MPP7: variants seen among roughly 807,000 people sequenced by gnomAD.
The protein encoded by MPP7 is MAGUK p55 scaffold protein 7.
Under a neutral mutation model 76.5 loss-of-function variants are expected in MPP7, and 60 were observed. The observed-to-expected ratio is 0.78, with a 90% CI of 0.64 to 0.97. MPP7 has a LOEUF of 0.97. Among genes scored for constraint, MPP7 ranks in the 50% least tolerant of loss-of-function variants. MPP7 has a pLI of 0.00. For missense variants in MPP7, 641 were observed against 694.0 expected (o/e 0.92, Z 0.86); for synonymous variants, 237 against 244.5 (o/e 0.97, Z 0.29).
rs147789049 is a variant in MPP7, at chr10:28,159,819, C to T, written c.157-9760G>A. ...TCTTGCATTCTACATGGCGCTTACC[C>T]ATGCATAGTTTCATGATATTATGCA... On this transcript the variant is annotated intron_variant, in intron 3 of 16. Coordinates refer to ENST00000683449, the MANE Select transcript of MPP7 (RefSeq NM_001318170.2). 1.5e-3 allele frequency among the ~76,000 whole-genome samples: 224 copies of T among 152,260 alleles called. 2 individuals are homozygous for T. The highest frequency in any genetic ancestry group is 4.4e-3 in the African/African-American group (181 of 41,548).
At chr10:28,333,822 C>G (rs1013867778) in intron 1 of MPP7, among the ~76,000 whole-genome samples, 22 of 152,130 alleles carry the variant, frequency 1.4e-4, no homozygotes, top group African/African-American at 5.3e-4. Flanking sequence ...GGTTTCCTCC[C>G]AAACATCCAA....
intron 2 of MPP7, among the ~76,000 whole-genome samples, chr10:28,234,127 C>T (rs536190315): frequency 5.7e-4 from 86 of 152,198 alleles, no homozygotes; most frequent in African/African-American, 2.0e-3. Context: ...ACTTCTAGGA[C>T]TGGGGCAGGA....
At chr10:28,096,104 G>C (rs1853558231) in intron 11 of MPP7, among the ~76,000 whole-genome samples, 1 of 152,264 alleles carries the variant, frequency 6.6e-6, no homozygotes, top group Non-Finnish European at 1.5e-5. Context: ...AAATTTAACT[G>C]TAAAGGGAGA....
chr10:28,251,330 T>C (rs1454223271), intron 1 of MPP7, among the ~76,000 whole-genome samples: 14 of 152,008 alleles, frequency 9.2e-5, no homozygotes, highest in African/African-American at 3.1e-4. Context: ...CCAGGTGTGG[T>C]ACATGCCTGT....
At chr10:28,174,205 C>T (rs189014830) in intron 3 of MPP7, among the ~76,000 whole-genome samples, 151 of 152,250 alleles carry the variant, frequency 9.9e-4, no homozygotes, top group African/African-American at 3.4e-3. Flanking sequence ...CAATACAAAC[C>T]GCAACAATAC....
At chr10:28,275,553 C>T (rs564869792) in intron 1 of MPP7, among the ~76,000 whole-genome samples, 111 of 152,016 alleles carry the variant, frequency 7.3e-4, no homozygotes, top group African/African-American at 2.5e-3. Flanking sequence ...ATTACAGGCA[C>T]GCACCACCAC....
intron 2 of MPP7, among the ~76,000 whole-genome samples, chr10:28,311,759 TAC>T (rs112717112): frequency 0.14 from 21,186 of 148,328 alleles, 2,038 homozygotes; most frequent in East Asian, 0.4. Context: ...GATGTGTTAA[TAC>T]ACACACACAC....
chr10:28,306,702 G>T (rs1841259921), upstream of MPP7, among the ~76,000 whole-genome samples: 1 of 124,804 alleles, frequency 8.0e-6, no homozygotes, highest in South Asian at 2.4e-4. Context: ...ATAATAGATA[G>T]TTGATAGATA....
At position 28,287,184 on chromosome 10, in the gene MPP7, T is replaced by TC. The variant is rs574120237; in HGVS notation, c.-132+15676_-132+15677insG. The stretch of plus-strand genomic sequence containing the variant: ...TAACTGACCTATTTGTTGCCAATGA[T>TC]AAAAGTCAAGCCTTCAAACAAAAAT... On this transcript the variant is annotated intron_variant, in intron 1 of 16. Transcript: ENST00000683449. Among the ~76,000 whole-genome samples the TC allele has an allele frequency of 3.8e-4, 58 of 152,288 alleles. 1 individual carries two copies. In the South Asian group the frequency reaches 0.011, roughly 28 times the overall value.
Position 28,268,726 on chromosome 10 carries a change from C to T in MPP7, c.-131-29991G>A, listed in dbSNP as rs570240786. 6.2e-4 allele frequency among the ~76,000 whole-genome samples: 93 copies of T among 149,370 alleles called. 1 individual carries two copies. In the Middle Eastern group the frequency reaches 0.01, roughly 17 times the overall value. ...CTCCAGCCTCGATGACGGAGTGAGA[C>T]TCTGTCTCAAAAAAAAAAAAAAAGG... On this transcript the variant is annotated intron_variant, in intron 1 of 16. Coordinates refer to ENST00000683449, the MANE Select transcript of MPP7 (RefSeq NM_001318170.2).
chr10:28,097,182 A>G (rs1853610779), intron 11 of MPP7, among the ~76,000 whole-genome samples: 1 of 152,036 alleles, frequency 6.6e-6, no homozygotes, highest in African/African-American at 2.4e-5. Context: ...TTTTGTAGAG[A>G]TGGAGACTCA....
chr10:28,129,706 T>C (rs1344654705), intron 6 of MPP7, among the ~76,000 whole-genome samples: 1 of 152,188 alleles, frequency 6.6e-6, no homozygotes, highest in African/African-American at 2.4e-5. Context: ...GTTTTTGAAG[T>C]GTGATCTACC....
At chr10:28,206,021 C>G (rs1564700990) in intron 2 of MPP7, among the ~76,000 whole-genome samples, 1 of 152,158 alleles carries the variant, frequency 6.6e-6, no homozygotes, top group Admixed American at 6.5e-5. Flanking sequence ...AGGCCCTCAT[C>G]AGATTCTGGT....
At chr10:28,263,755 G>A (rs188844317) in intron 1 of MPP7, among the ~76,000 whole-genome samples, 3 of 152,250 alleles carry the variant, frequency 2.0e-5, no homozygotes, top group East Asian at 1.9e-4. Flanking sequence ...AGCTGAAGGC[G>A]CCAGGTGAAA....
chr10:28,102,561 T>C (rs1853875107), intron 11 of MPP7, among the ~76,000 whole-genome samples: 1 of 152,176 alleles, frequency 6.6e-6, no homozygotes, highest in South Asian at 2.1e-4. Flanking sequence ...AGATCTCTAT[T>C]TGGATGTCAA....
At chr10:28,120,166 A>G in intron 10 of MPP7, 28 bp downstream of exon 10, 1 of 1,597,922 alleles carries the variant, frequency 6.3e-7, no homozygotes, top group East Asian at 2.2e-5. Flanking sequence ...AGCTGGAGAA[A>G]AGCCATTATT....
intron 3 of MPP7, among the ~76,000 whole-genome samples, chr10:28,194,848 A>G (rs1454634803): frequency 6.6e-6 from 1 of 152,200 alleles, no homozygotes; most frequent in African/African-American, 2.4e-5. Context: ...ATAAACCTTA[A>G]TGTAGATAAT....
intron 3 of MPP7, among the ~76,000 whole-genome samples, chr10:28,185,734 C>T (rs1837214209): frequency 6.6e-6 from 1 of 152,164 alleles, no homozygotes; most frequent in Non-Finnish European, 1.5e-5. Flanking sequence ...AAAAAGTGTG[C>T]TCGTAATTCT....
chr10:28,057,400 A>G (rs1330475674), intron 15 of MPP7, among the ~76,000 whole-genome samples: 3 of 152,006 alleles, frequency 2.0e-5, no homozygotes, highest in African/African-American at 7.3e-5. Flanking sequence ...CACAATAGTC[A>G]GTTCTCGTGA....
Sources: gnomAD v4.1 joint callset for allele counts (sites outside exome capture counted in the v4.1 genomes callset) on GRCh38, gnomAD v4.1.1 for gene constraint, MANE v1.5 for transcripts, NCBI Gene and HGNC (gene_info 2026-07-23, HGNC 2026-07-21) for gene names.